WDR64: variants seen among roughly 807,000 people sequenced by gnomAD.
The protein encoded by WDR64 is WD repeat-containing protein 64.
A neutral mutation model predicts 139.3 loss-of-function variants in WDR64; 112 were observed. The observed-to-expected ratio is 0.80, with a 90% confidence interval of 0.69 to 0.94. WDR64 has a LOEUF of 0.94. Among genes scored for constraint, WDR64 ranks in the 40% least tolerant of loss-of-function variants. The pLI, the probability that WDR64 is intolerant of heterozygous loss-of-function variation, is 0.00. For synonymous variants in WDR64, 444 were observed against 437.7 expected, an observed-to-expected ratio of 1.01 and a Z score of -0.18; for missense variants, 1,206 against 1,293.1, an observed-to-expected ratio of 0.93 and a Z score of 1.03.
At chr1:241,769,260 C>G (rs969049941) in intron 16 of WDR64, 144 bp from the exon 17 acceptor site, 2 of 667,774 alleles carry the variant, frequency 3.0e-6, no homozygotes, top group Non-Finnish European at 2.5e-6. Flanking sequence ...TATGTTCAAA[C>G]TCTACTTCCT....
intron 10 of WDR64, among the ~76,000 whole-genome samples, chr1:241,737,623 T>C (rs1669378743): frequency 6.6e-6 from 1 of 152,234 alleles, no homozygotes; most frequent in Admixed American, 6.5e-5. Flanking sequence ...CACTTATTTC[T>C]GAAATTCAAT....
At chr1:241,675,800 A>C (rs960585872) in intron 4 of WDR64, among the ~76,000 whole-genome samples, 1 of 152,226 alleles carries the variant, frequency 6.6e-6, no homozygotes, top group African/African-American at 2.4e-5. Context: ...TGAGAGAATG[A>C]GTGTAGAAAC....
chr1:241,721,210 G>A (rs917145777), intron 9 of WDR64, among the ~76,000 whole-genome samples: 2 of 152,138 alleles, frequency 1.3e-5, no homozygotes, highest in African/African-American at 4.8e-5. Context: ...TTGTAGTATA[G>A]TTTGAAGTGG....
chr1:241,689,269 G>C (rs576741217), intron 8 of WDR64, among the ~76,000 whole-genome samples: 1 of 150,916 alleles, frequency 6.6e-6, no homozygotes, highest in South Asian at 2.1e-4. Flanking sequence ...AAATTACAAG[G>C]CATACTAAAA....
chr1:241,779,254 T>G (rs1297420984), intron 21 of WDR64, among the ~76,000 whole-genome samples: 2 of 152,222 alleles, frequency 1.3e-5, no homozygotes, highest in South Asian at 2.1e-4. Flanking sequence ...TGTGTTCATT[T>G]TTTTTTCCTC....
intron 1 of WDR64, among the ~76,000 whole-genome samples, chr1:241,653,237 A>T (rs76359084): frequency 1.6e-3 from 240 of 152,298 alleles, no homozygotes; most frequent in African/African-American, 5.6e-3. Flanking sequence ...AGCTGTGAAA[A>T]ATAAAGCTAC....
intron 4 of WDR64, 24 bp downstream of exon 4, chr1:241,674,771 C>T (rs909814363): frequency 2.9e-6 from 4 of 1,365,468 alleles, no homozygotes; most frequent in Non-Finnish European, 4.1e-6. Flanking sequence ...CTTTTTTTAA[C>T]TGAATGACTC....
In WDR64 at chr1:241,703,460, GTT is replaced by G. The variant is rs35616829; in HGVS notation, c.975-8329_975-8328del. Among the ~76,000 whole-genome samples the G allele has an allele frequency of 6.9e-6, 1 of 143,986 alleles. No homozygotes were observed. The highest frequency in any genetic ancestry group is 1.5e-5 in the Non-Finnish European group (1 of 65,654). The allele number at this position is 143,986 out of a possible 152,430, so 94.5% of individuals were successfully genotyped here. A position where few individuals can be genotyped will look rare whatever the true frequency, so the allele number is the denominator to read the frequency against. On this transcript the variant is annotated intron_variant, in intron 8 of 27. Transcript: ENST00000437684. The surrounding 1 kb of genome is among the most constrained non-coding windows in gnomAD (Gnocchi z 5.9). Reference sequence around the variant, plus strand: ...TTTTGATAGGGGACTCTATCAAAAAGTTTTTTTTTTTTTTCTGTTTTGAAGAA... The same window carrying G: ...TTTTGATAGGGGACTCTATCAAAAAGTTTTTTTTTTTTCTGTTTTGAAGAA...
chr1:241,701,713 T>G (rs1558479826), intron 8 of WDR64, among the ~76,000 whole-genome samples: 3 of 152,164 alleles, frequency 2.0e-5, no homozygotes. Flanking sequence ...CTTCCTCACT[T>G]GGGCCACACT....
chr1:241,770,999 T>A (rs1658406831), intron 18 of WDR64, among the ~76,000 whole-genome samples: 2 of 152,330 alleles, frequency 1.3e-5, no homozygotes, highest in Middle Eastern at 6.8e-3. Flanking sequence ...GTAAGTAATT[T>A]TAGACCATCT....
chr1:241,769,300 A>G, intron 16 of WDR64, 104 bp from the exon 17 acceptor site: 1 of 831,292 alleles, frequency 1.2e-6, no homozygotes. Flanking sequence ...CAATAATATT[A>G]GCATTTGAGG....
intron 9 of WDR64, among the ~76,000 whole-genome samples, chr1:241,717,298 G>A (rs75658982): frequency 0.046 from 7,047 of 152,186 alleles, 214 homozygotes; most frequent in South Asian, 0.081. Context: ...GAGCTGGATG[G>A]AGCCTTGAAG....
At chr1:241,764,421 G>A (rs935172218) in intron 15 of WDR64, among the ~76,000 whole-genome samples, 9 of 152,280 alleles carry the variant, frequency 5.9e-5, no homozygotes, top group Middle Eastern at 3.4e-3. Flanking sequence ...GGGAGGCCAA[G>A]GTGAGAGGAT....
intron 2 of WDR64, among the ~76,000 whole-genome samples, chr1:241,668,235 C>T (rs1320037084): frequency 1.3e-5 from 2 of 152,158 alleles, no homozygotes; most frequent in African/African-American, 2.4e-5. Context: ...TTGAGCTGGG[C>T]GCGGCAGCTC....
chr1:241,772,994 T>C, intron 20 of WDR64, 63 bp downstream of exon 20: 1 of 1,485,714 alleles, frequency 6.7e-7, no homozygotes, highest in Non-Finnish European at 9.0e-7. Flanking sequence ...AATCATTAAA[T>C]GAATCTTAGT....
intron 10 of WDR64, among the ~76,000 whole-genome samples, chr1:241,732,909 C>A (rs1329552544): frequency 1.3e-5 from 2 of 152,096 alleles, no homozygotes; most frequent in Non-Finnish European, 2.9e-5. Flanking sequence ...ATAAAGTTTG[C>A]AGGAAGAAAT....
chr1:241,771,601 G>A lies in WDR64; in HGVS notation c.2254-60G>A, dbSNP rs960373069. 2.0e-5 allele frequency: 25 copies of A among 1,279,298 alleles called. No individual in the cohort carries two copies. The South Asian group carries it at 2.1e-4, about 11-fold the overall frequency. The allele number at this position is 1,279,298 out of a possible 1,614,324, so 79.2% of individuals were successfully genotyped here. On this transcript the variant is annotated intron_variant, in intron 18 of 27. Transcript: ENST00000437684. ...ACTATCTGGAGAATTTAATCACCCA[G>A]TATATCTCATTTTCTTACAATGTCA...
chr1:241,703,380 AT>A lies in WDR64; in HGVS notation c.975-8421del, dbSNP rs1488103987. On this transcript the variant is annotated intron_variant, in intron 8 of 27. Coordinates refer to ENST00000437684, the MANE Select transcript of WDR64 (RefSeq NM_001367482.1). The surrounding 1 kb of genome is among the most constrained non-coding windows in gnomAD (Gnocchi z 5.9). ...CTCCCTGCATCACGCTCATTAATTCATGGAACAACAGGAGAAAAGTCTGAGA... is the reference window on the plus strand; with the variant it reads ...CTCCCTGCATCACGCTCATTAATTCAGGAACAACAGGAGAAAAGTCTGAGA... 6.6e-6 allele frequency among the ~76,000 whole-genome samples: 1 copy of A among 151,944 alleles called. No homozygotes were observed. The highest frequency in any genetic ancestry group is 1.5e-5 in the Non-Finnish European group (1 of 68,010).
At chr1:241,729,905 C>T (rs749646658) in intron 10 of WDR64, among the ~76,000 whole-genome samples, 5 of 152,160 alleles carry the variant, frequency 3.3e-5, no homozygotes, top group Admixed American at 6.5e-5. Flanking sequence ...CCTGGTTTCA[C>T]TGCCTTCATA....
Sources: gnomAD v4.1 joint callset for allele counts (sites outside exome capture counted in the v4.1 genomes callset) on GRCh38, gnomAD v4.1.1 for gene constraint, Gnocchi (gnomAD v3.1) non-coding constraint, MANE v1.5 for transcripts, NCBI Gene and HGNC (gene_info 2026-07-23, HGNC 2026-07-21) for gene names.